TRRAP: variants seen among roughly 807,000 people sequenced by gnomAD.
The protein encoded by TRRAP is transformation/transcription domain-associated protein.
TRRAP carries 41 observed loss-of-function variants against 438.8 expected under a neutral mutation model. The ratio of observed to expected loss-of-function variants is 0.09; its 90% CI spans 0.07 to 0.12. TRRAP has a LOEUF of 0.12. TRRAP is among the 10% of genes least tolerant of loss of function. The probability of loss-of-function intolerance (pLI) is 1.00; values close to 1 mark genes in which losing one functional copy is unlikely to be tolerated. For missense variants in TRRAP, 3,122 were observed against 5,055.1 expected, an observed-to-expected ratio of 0.62 and a Z score of 11.60; for synonymous variants, 1,994 against 1,962.9, an observed-to-expected ratio of 1.02 and a Z score of -0.42.
Position 98,910,111 on chromosome 7 carries a change from A to G in TRRAP, c.1406A>G (p.Lys469Arg), listed in dbSNP as rs1554408385. The change falls in exon 15 of 73, where the codon AAG becomes AGG. Residue 469 changes from lysine (K) to arginine (R), a missense_variant. By Grantham distance (26) the Lys-to-Arg change is conservative (BLOSUM62 2). Transcript: ENST00000456197. ...IARYQLSAIF[K>R]KCKPQSELGA... ...CGGTACCAGCTCTCTGCCATTTTTAAGAAGTGTAAGCCTCAGTCAGAACTT... is the reference window on the plus strand; with the variant it reads ...CGGTACCAGCTCTCTGCCATTTTTAGGAAGTGTAAGCCTCAGTCAGAACTT... 4 of 1,596,072 alleles carry G rather than the reference A, an allele frequency of 2.5e-6. No homozygotes were observed. Among genetic ancestry groups the G allele is most frequent in the Non-Finnish European group, 3.4e-6 (4 of 1,171,708 alleles).
Position 98,956,035 on chromosome 7 carries a change from T to C in TRRAP, c.5938-111T>C. ...AGCATCAAGTTGGGCTGTGTGTGTATGTTGGGGCTGAGAGGCATGTCGGGG... is the reference window on the plus strand; with the variant it reads ...AGCATCAAGTTGGGCTGTGTGTGTACGTTGGGGCTGAGAGGCATGTCGGGG... On this transcript the variant is annotated intron_variant, in intron 41 of 72. Coordinates refer to ENST00000456197, the MANE Select transcript of TRRAP (RefSeq NM_001375524.1). The surrounding 1 kb of genome is among the most constrained non-coding windows in gnomAD (Gnocchi z 4.5). 1.5e-6 allele frequency: 2 copies of C among 1,318,058 alleles called. No homozygotes were observed. The highest frequency in any genetic ancestry group is 2.1e-6 in the Non-Finnish European group (2 of 974,310). 81.6% of individuals were successfully genotyped at this position (1,318,058 alleles called of 1,614,324 possible).
chr7:98,904,930 A>G (rs528270607), intron 12 of TRRAP, among the ~76,000 whole-genome samples: 4 of 152,336 alleles, frequency 2.6e-5, no homozygotes, highest in South Asian at 2.1e-4. Context: ...GGCACCTGCA[A>G]CGTTATCAAG....
At chr7:98,884,473 G>A (rs545833448) in intron 3 of TRRAP, among the ~76,000 whole-genome samples, 2 of 152,100 alleles carry the variant, frequency 1.3e-5, no homozygotes, top group African/African-American at 2.4e-5. Context: ...GACCTTAAGC[G>A]ATCCACCCAC....
chr7:98,942,995 G>A lies in TRRAP; in HGVS notation c.4451G>A (p.Gly1484Glu). 6.2e-7 allele frequency: 1 copy of A among 1,614,168 alleles called. No individual in the cohort carries two copies. Among genetic ancestry groups the A allele is most frequent in the Non-Finnish European group, 8.5e-7 (1 of 1,180,028 alleles). Reference sequence around the variant, plus strand: ...GAAGTGGTGGTGATCACCCACAAAGGGGGCCAGAGGAGCGACGGAAACGTG... The same window carrying A: ...GAAGTGGTGGTGATCACCCACAAAGAGGGCCAGAGGAGCGACGGAAACGTG... ...WMEVVVITHK[G>E]GQRSDGNESI... is the part of the protein sequence containing the mutation. The change falls in exon 31 of 73, where the codon GGG becomes GAG. Residue 1484 changes from glycine to glutamate, a missense_variant. Around this residue, in one of 24 missense-constraint regions of TRRAP, gnomAD observed 108 missense variants for 256.9 expected, o/e 0.42. Transcript: ENST00000456197.
rs772541308 is a variant in TRRAP at position 98,994,745 on chromosome 7, C to T, written c.10206C>T (p.Val3402=). The change falls in exon 67 of 73, where the codon GTC becomes GTT. Residue 3402 remains valine (V), a synonymous_variant. Transcript: ENST00000456197. The surrounding 1 kb of genome is among the most constrained non-coding windows in gnomAD (Gnocchi z 4.8). ...TGGGCCTGGAGAATGTGTCCAACGT[C>T]TCGACCATGTTCTCCAGCGCAGCCT... The part of the protein sequence containing the change: ...FGVGLENVSN[V]STMFSSAASE... 1.2e-6 allele frequency: 2 copies of T among 1,614,232 alleles called. No homozygotes were observed. The highest frequency in any genetic ancestry group is 1.7e-6 in the Non-Finnish European group (2 of 1,180,042).
chr7:99,011,127 A>G lies in TRRAP; in HGVS notation c.11014A>G (p.Thr3672Ala), dbSNP rs1273653493. Residue 3672 changes from threonine to alanine, a missense_variant, in exon 71 of 73, where the codon ACC becomes GCC. Physicochemically the swap from Thr to Ala is moderately conservative, Grantham distance 58. Transcript: ENST00000456197. The surrounding 1 kb of genome is among the most constrained non-coding windows in gnomAD (Gnocchi z 7.1). ...RSMLKEWALH[T>A]FPNATDYWTF... ...CATGCTCAAGGAGTGGGCGCTGCAC[A>G]CCTTCCCCAATGCCACGGACTACTG... 6.2e-7 allele frequency: 1 copy of G among 1,614,008 alleles called. No homozygotes were observed. The highest frequency in any genetic ancestry group is 1.3e-5 in the African/African-American group (1 of 74,890).
intron 27 of TRRAP, 98 bp downstream of exon 27, chr7:98,933,500 G>A: frequency 6.8e-7 from 1 of 1,473,930 alleles, no homozygotes; most frequent in South Asian, 1.4e-5. Context: ...ATTCAGAGAA[G>A]GCTCGGGCGG....
intron 30 of TRRAP, among the ~76,000 whole-genome samples, chr7:98,941,498 C>T (rs1176994503): frequency 1.3e-5 from 2 of 152,156 alleles, no homozygotes; most frequent in Non-Finnish European, 2.9e-5. Flanking sequence ...AATATTTCCT[C>T]ATCAAACTAA....
chr7:98,954,580 C>T (rs1791504429), intron 40 of TRRAP, among the ~76,000 whole-genome samples: 1 of 152,244 alleles, frequency 6.6e-6, no homozygotes, highest in Non-Finnish European at 1.5e-5. Context: ...CTCTGCTCCT[C>T]CCCACTGCCC....
chr7:98,949,906 CCTT>C (rs561577897), intron 37 of TRRAP, 65 bp downstream of exon 37: 20 of 1,578,836 alleles, frequency 1.3e-5, no homozygotes, highest in Non-Finnish European at 1.7e-5. Context: ...GCCAGAGCCT[CCTT>C]CTACTCTGTA....
intron 58 of TRRAP, among the ~76,000 whole-genome samples, 185 bp from the exon 59 acceptor site, chr7:98,981,584 A>G (rs1441752645): frequency 6.6e-6 from 1 of 152,206 alleles, no homozygotes; most frequent in Non-Finnish European, 1.5e-5. Context: ...TTAGAAAAGG[A>G]GAGTATCCAG....
Position 99,012,110 on chromosome 7 carries a change from A to G in TRRAP, c.11377A>G (p.Ile3793Val), listed in dbSNP as rs1227429395. Reference sequence around the variant, plus strand: ...GAAAACGGTTCTCCGGGACGAGATCATTGCTTGGCACAAAAAAACACAAGA... The same window carrying G: ...GAAAACGGTTCTCCGGGACGAGATCGTTGCTTGGCACAAAAAAACACAAGA... ...ILKTVLRDEIIAWHKKTQEDT... is the reference protein window; with the variant it reads ...ILKTVLRDEIVAWHKKTQEDT... The change falls in exon 73 of 73, where the codon ATT becomes GTT. Residue 3793 changes from isoleucine (I) to valine (V), a missense_variant. Transcript: ENST00000456197. The surrounding 1 kb of genome is among the most constrained non-coding windows in gnomAD (Gnocchi z 5.9). 1.2e-6 allele frequency: 2 copies of G among 1,614,120 alleles called. No homozygotes were observed. The highest frequency in any genetic ancestry group is 1.7e-6 in the Non-Finnish European group (2 of 1,180,008).
At chr7:98,946,515 A>C (rs1313088775) in intron 33 of TRRAP, among the ~76,000 whole-genome samples, 7 of 150,456 alleles carry the variant, frequency 4.7e-5, no homozygotes, top group African/African-American at 1.7e-4. Flanking sequence ...ACACATGCAC[A>C]CACACCAGTG....
rs782273085 is a variant in TRRAP at position 98,890,451 on chromosome 7, G to A, written c.261+6G>A. On this transcript the variant is annotated splice_donor_region_variant and intron_variant, in intron 4 of 72. Coordinates refer to ENST00000456197, the MANE Select transcript of TRRAP (RefSeq NM_001375524.1). ...TTCAGGAGAAACCAGCACAGGTAATGTAAAAAAATAACATGAGAAGACAAG... is the reference window on the plus strand; with the variant it reads ...TTCAGGAGAAACCAGCACAGGTAATATAAAAAAATAACATGAGAAGACAAG... 4.5e-6 allele frequency: 7 copies of A among 1,561,910 alleles called. No homozygotes were observed. The African/African-American group carries it at 9.7e-5, about 22-fold the overall frequency.
At position 98,930,214 on chromosome 7, in the gene TRRAP, A is replaced by G; in HGVS notation, c.3393+8A>G. ...CTGGGCTCCAAGGAGAGGGTAAGGA[A>G]GGGTTGAGGAGTGTCTTCTGATTTG... On this transcript the variant is annotated splice_region_variant and intron_variant, in intron 24 of 72. Transcript: ENST00000456197. 6.2e-7 allele frequency: 1 copy of G among 1,613,772 alleles called. No individual in the cohort carries two copies. The highest frequency in any genetic ancestry group is 8.5e-7 in the Non-Finnish European group (1 of 1,179,758).
Position 99,005,673 on chromosome 7 carries a change from ATTTC to A in TRRAP, c.10753+329_10753+332del, listed in dbSNP as rs1794129833. On this transcript the variant is annotated intron_variant, in intron 69 of 72. Coordinates refer to ENST00000456197, the MANE Select transcript of TRRAP (RefSeq NM_001375524.1). This position sits in a 1 kb window ranked among gnomAD's most constrained non-coding sequence, Gnocchi z 5.1. ...GTCAACTTTCTTAGGACATTATGAGATTTCTTTTTCTTTTTTTTTTTCTTTTTTA... is the reference window on the plus strand; with the variant it reads ...GTCAACTTTCTTAGGACATTATGAGATTTTTCTTTTTTTTTTTCTTTTTTA... Among the ~76,000 whole-genome samples the A allele has an allele frequency of 6.6e-6, 1 of 151,170 alleles. No individual in the cohort carries two copies. Among genetic ancestry groups the A allele is most frequent in the African/African-American group, 2.4e-5 (1 of 41,040 alleles).
At chr7:99,004,862 A>G (rs1419374829) in intron 68 of TRRAP, among the ~76,000 whole-genome samples, 2 of 152,180 alleles carry the variant, frequency 1.3e-5, no homozygotes, top group Non-Finnish European at 2.9e-5. Context: ...CTATATGTCC[A>G]GAGTTTAGTT....
At chr7:98,970,371 G>A in intron 52 of TRRAP, 80 bp downstream of exon 52, 1 of 1,522,400 alleles carries the variant, frequency 6.6e-7, no homozygotes, top group South Asian at 1.2e-5. Flanking sequence ...CCAGAGAGGA[G>A]GTGAGACCCC....
At chr7:98,967,403 C>T (rs956563874) in intron 50 of TRRAP, 82 bp from the exon 51 acceptor site, 5 of 1,486,834 alleles carry the variant, frequency 3.4e-6, no homozygotes, top group African/African-American at 1.4e-5. Context: ...AGCAAGTTCA[C>T]ATCCACGTTC....
Sources: allele counts gnomAD v4.1 joint callset (sites outside exome capture counted in the v4.1 genomes callset), GRCh38; gene constraint gnomAD v4.1.1; regional missense constraint gnomAD v4.1.1; non-coding constraint Gnocchi (gnomAD v3.1); transcripts MANE v1.5; gene names NCBI Gene and HGNC (gene_info 2026-07-23, HGNC 2026-07-21).